Variants in DYSF observed in about 807,000 individuals in gnomAD.
DYSF encodes dystrophy-associated fer-1-like 1.
A neutral mutation model predicts 274.9 loss-of-function variants in DYSF; 212 were observed. That is an observed-to-expected ratio of 0.77 (90% CI 0.69 to 0.86). The LOEUF (loss-of-function observed/expected upper bound fraction) is 0.86. DYSF is among the 40% of genes least tolerant of loss of function. The pLI is 0.00. For missense variants in DYSF, 2,666 were observed against 2,783.2 expected, an observed-to-expected ratio of 0.96 and a Z score of 0.95; for synonymous variants, 1,091 against 1,078.7, an observed-to-expected ratio of 1.01 and a Z score of -0.22.
At position 71,612,309 on chromosome 2, in the gene DYSF, T is replaced by C. The variant is rs771646863; in HGVS notation, c.4222-332T>C. Among the ~76,000 whole-genome samples the C allele has an allele frequency of 3.2e-4, 49 of 152,272 alleles. No homozygotes were observed. The Middle Eastern group carries it at 0.02, about 63-fold the overall frequency. On this transcript the variant is annotated intron_variant, in intron 38 of 55. Transcript: ENST00000410020. ...CTCTTGAGTATCCACTTGGGGGGAC[T>C]GTCTGTAAGAAATGTTGAGTCCCGG...
chr2:71,590,737 C>T (rs569817712), intron 32 of DYSF, among the ~76,000 whole-genome samples: 1 of 152,228 alleles, frequency 6.6e-6, no homozygotes, highest in East Asian at 1.9e-4. Flanking sequence ...CAGCTCCCCC[C>T]ACCCAGATCC....
intron 29 of DYSF, 56 bp from the exon 30 acceptor site, chr2:71,574,142 C>T (rs1252877890): frequency 6.3e-7 from 1 of 1,596,502 alleles, no homozygotes; most frequent in Non-Finnish European, 8.6e-7. Context: ...GAGCCGAGCA[C>T]AGAACTCCCC....
chr2:71,664,120 A>G, intron 45 of DYSF, 148 bp from the exon 46 acceptor site: 1 of 933,012 alleles, frequency 1.1e-6, no homozygotes, highest in Non-Finnish European at 1.7e-6. Context: ...GGCCCAGTAC[A>G]GCAGTGCTGT....
At chr2:71,558,619 C>T (rs2091495930) in intron 22 of DYSF, among the ~76,000 whole-genome samples, 2 of 152,170 alleles carry the variant, frequency 1.3e-5, no homozygotes, top group South Asian at 4.1e-4. Context: ...ACCTGTGGGC[C>T]CTGAGTCCTT....
intron 30 of DYSF, among the ~76,000 whole-genome samples, chr2:71,575,421 G>A (rs902313053): frequency 1.3e-5 from 2 of 152,184 alleles, no homozygotes; most frequent in African/African-American, 4.8e-5. Flanking sequence ...CCTGGGGCCA[G>A]GTCAAGGGGA....
intron 36 of DYSF, among the ~76,000 whole-genome samples, chr2:71,610,588 G>T (rs2093734700): frequency 1.3e-5 from 2 of 152,186 alleles, no homozygotes; most frequent in African/African-American, 4.8e-5. Flanking sequence ...ACACACACTT[G>T]CTCGTCTCTG....
chr2:71,463,476 G>A (rs898343319), upstream of DYSF, among the ~76,000 whole-genome samples: 3 of 152,162 alleles, frequency 2.0e-5, no homozygotes, highest in African/African-American at 7.2e-5. Context: ...GGTAGGGGGC[G>A]GGGCTCCCAC....
chr2:71,467,368 C>G (rs904757332), intron 1 of DYSF, among the ~76,000 whole-genome samples: 22 of 152,248 alleles, frequency 1.4e-4, no homozygotes, highest in African/African-American at 5.3e-4. Flanking sequence ...ATTCACCCAT[C>G]TTTATCCAAC....
chr2:71,641,407 C>T (rs1157383942), intron 41 of DYSF, among the ~76,000 whole-genome samples: 3 of 152,058 alleles, frequency 2.0e-5, no homozygotes, highest in Non-Finnish European at 4.4e-5. Flanking sequence ...TCTCGATCTC[C>T]TGACCTCGTG....
rs760515568 is a variant in DYSF, at chr2:71,551,764, G to T, written c.1806+44G>T. ...GGTGGGAGCTGGGCGTCGGGGCAGG[G>T]AAGGGATGGCCAGGCTGGGACTGGC... is the stretch of plus-strand genomic sequence containing the variant. On this transcript the variant is annotated intron_variant, in intron 19 of 55. Transcript: ENST00000410020. The T allele has an allele frequency of 1.3e-5, 19 of 1,513,160 alleles. No homozygotes were observed. The South Asian group carries it at 2.1e-4, about 17-fold the overall frequency. The allele number at this position is 1,513,160 out of a possible 1,614,324, so 93.7% of individuals were successfully genotyped here.
At chr2:71,669,326 G>A (rs1279446807) in intron 50 of DYSF, 119 bp downstream of exon 50, 8 of 973,244 alleles carry the variant, frequency 8.2e-6, no homozygotes, top group East Asian at 7.8e-5. Context: ...AACTTCCAAC[G>A]AGGGCTCCTG....
Position 71,681,056 on chromosome 2 carries a change from C to A in DYSF, c.6119C>A (p.Pro2040His). The A allele has an allele frequency of 1.2e-6, 2 of 1,614,210 alleles. No homozygotes were observed. Among genetic ancestry groups the A allele is most frequent in the Non-Finnish European group, 1.7e-6 (2 of 1,180,048 alleles). The part of the protein sequence containing the change: ...IVAESEHEER[P>H]AGQGRDEPNM... Reference sequence around the variant, plus strand: ...GCAGAGAGTGAGCATGAGGAGCGGCCTGCTGGCCAGGGCCGGGATGAGCCC... The same window carrying A: ...GCAGAGAGTGAGCATGAGGAGCGGCATGCTGGCCAGGGCCGGGATGAGCCC... Residue 2040 changes from proline (P) to histidine (H), a missense_variant, in exon 54 of 56, where the codon CCT (proline) becomes CAT (histidine). Pro to His is a moderately conservative substitution (Grantham distance 77, BLOSUM62 -2). This residue lies in a region of DYSF where 1,460 missense variants were observed against 1,502.1 expected (regional missense o/e 0.97). Transcript: ENST00000410020.
Position 71,589,699 on chromosome 2 carries a change from T to A in DYSF, c.3496+13T>A. 7 of 1,610,604 alleles carry A rather than the reference T, an allele frequency of 4.3e-6. No homozygotes were observed. Among genetic ancestry groups the A allele is most frequent in the Non-Finnish European group, 5.9e-6 (7 of 1,176,790 alleles). ...TGCATATTCGACTGTAAGTGAGGCT[T>A]CGAGGCCTCTATGGGGTGATAAGGG... On this transcript the variant is annotated intron_variant, in intron 31 of 55. Transcript: ENST00000410020.
Position 71,513,847 on chromosome 2 carries a change from T to C in DYSF, c.685T>C (p.Tyr229His). Residue 229 changes from tyrosine (Y) to histidine (H), a missense_variant, in exon 7 of 56, where the codon TAC becomes CAC. Coordinates refer to ENST00000410020, the MANE Select transcript of DYSF (RefSeq NM_001130987.2). ...ACTACCTTCACGTCCTCCGCCCCACTACCCCGGGATCAAAAGAAAGCGAAG... is the reference window on the plus strand; with the variant it reads ...ACTACCTTCACGTCCTCCGCCCCACCACCCCGGGATCAAAAGAAAGCGAAG... ...RKLPSRPPPH[Y>H]PGIKRKRSAP... 1.2e-6 allele frequency: 2 copies of C among 1,614,152 alleles called. No homozygotes were observed. The highest frequency in any genetic ancestry group is 1.7e-6 in the Non-Finnish European group (2 of 1,180,018).
intron 4 of DYSF, 21 bp downstream of exon 4, chr2:71,503,340 G>A: frequency 6.2e-7 from 1 of 1,613,124 alleles, no homozygotes; most frequent in Non-Finnish European, 8.5e-7. Flanking sequence ...ATCAGCCTCT[G>A]CCAGGTTAAG....
In DYSF at chr2:71,639,314, T is replaced by C. The variant is rs376183798; in HGVS notation, c.4528-4651T>C. Among the ~76,000 whole-genome samples, 5 of 152,036 alleles carry C rather than the reference T, an allele frequency of 3.3e-5. No individual in the cohort carries two copies. In the East Asian group the frequency reaches 9.6e-4, roughly 29 times the overall value. On this transcript the variant is annotated intron_variant, in intron 41 of 55. Transcript: ENST00000410020. Reference sequence around the variant, plus strand: ...TATTGGTAGTGTATTTTGAAGCATCTTGCTGTTGTTCTTTATTTAAAAATT... The same window carrying C: ...TATTGGTAGTGTATTTTGAAGCATCCTGCTGTTGTTCTTTATTTAAAAATT...
At chr2:71,587,248 G>A (rs1414032994) in intron 30 of DYSF, among the ~76,000 whole-genome samples, 3 of 152,204 alleles carry the variant, frequency 2.0e-5, no homozygotes, top group Non-Finnish European at 2.9e-5. Flanking sequence ...CTCCTGGCAG[G>A]GGCCCAGGGC....
intron 29 of DYSF, chr2:71,571,030 A>C (rs1467948740): frequency 1.5e-4 from 67 of 436,130 alleles, no homozygotes; most frequent in East Asian, 7.9e-4. Context: ...CTCAGCACAC[A>C]CACAGATTAC....
At chr2:71,578,104 A>G (rs2092772780) in intron 30 of DYSF, among the ~76,000 whole-genome samples, 1 of 152,154 alleles carries the variant, frequency 6.6e-6, no homozygotes, top group South Asian at 2.1e-4. Flanking sequence ...AGACTTAGCA[A>G]AAGCAGGCAC....
Sources: gnomAD v4.1 joint callset for allele counts (sites outside exome capture counted in the v4.1 genomes callset) on GRCh38, gnomAD v4.1.1 for gene constraint, gnomAD v4.1.1 regional missense constraint, MANE v1.5 for transcripts, NCBI Gene and HGNC (gene_info 2026-07-23, HGNC 2026-07-21) for gene names.